The following PHF21B variants were observed in gnomAD, a reference collection of about 807,000 sequenced individuals.
PHF21B encodes the protein PHD finger protein 4.
Under a neutral mutation model 62.2 loss-of-function variants are expected in PHF21B, and 22 were observed. That is an observed-to-expected ratio of 0.35 (90% CI 0.25 to 0.51). PHF21B has a LOEUF of 0.51. Among genes scored for constraint, PHF21B ranks in the 20% least tolerant of loss-of-function variants. PHF21B has a pLI of 0.97. For missense variants in PHF21B, 701 were observed against 707.9 expected (o/e 0.99, Z 0.11); for synonymous variants, 341 against 314.7 (o/e 1.08, Z -0.88).
At position 44,885,290 on chromosome 22, in the gene PHF21B, G is replaced by A; in HGVS notation, c.1377+136C>T. The A allele has an allele frequency of 4.0e-6, 3 of 755,246 alleles. No individual in the cohort carries two copies. The South Asian group carries it at 6.2e-5, about 16-fold the overall frequency. 46.8% of individuals were successfully genotyped at this position (755,246 alleles called of 1,614,324 possible). On this transcript the variant is annotated intron_variant, in intron 12 of 12. Coordinates refer to ENST00000313237, the MANE Select transcript of PHF21B (RefSeq NM_138415.5). ...GAATGACACGCCTGCCTGTCCACCAGGCCCTGGCTCCTTCCTGCACTGCTG... is the reference window on the plus strand; with the variant it reads ...GAATGACACGCCTGCCTGTCCACCAAGCCCTGGCTCCTTCCTGCACTGCTG...
At chr22:44,953,685 G>A (rs1052309940) in intron 2 of PHF21B, among the ~76,000 whole-genome samples, 2 of 152,130 alleles carry the variant, frequency 1.3e-5, no homozygotes, top group Middle Eastern at 3.2e-3. Context: ...AGGTGTGTGG[G>A]TGAGCAGAAT....
chr22:44,916,079 T>C (rs2071426190), intron 4 of PHF21B, among the ~76,000 whole-genome samples: 1 of 152,250 alleles, frequency 6.6e-6, no homozygotes, highest in Non-Finnish European at 1.5e-5. Flanking sequence ...ACTAATTCAC[T>C]CCCTTAATCA....
chr22:44,916,703 C>T lies in PHF21B; in HGVS notation c.214-73G>A, dbSNP rs771442511. 2.0e-5 allele frequency: 26 copies of T among 1,328,296 alleles called. No individual in the cohort carries two copies. The African/African-American group carries it at 3.0e-4, about 15-fold the overall frequency. The allele number at this position is 1,328,296 out of a possible 1,614,324, so 82.3% of individuals were successfully genotyped here. A position where few individuals can be genotyped will look rare whatever the true frequency, so the allele number is the denominator to read the frequency against. On this transcript the variant is annotated intron_variant, in intron 3 of 12. Coordinates refer to ENST00000313237, the MANE Select transcript of PHF21B (RefSeq NM_138415.5). ...GTGCAGGGGAGGGGCCGCCCTGGCT[C>T]GGAGACTTCCTATATTCAAGGGGAA...
At chr22:44,985,898 C>T (rs1039781221) in intron 2 of PHF21B, among the ~76,000 whole-genome samples, 2 of 151,410 alleles carry the variant, frequency 1.3e-5, no homozygotes, top group African/African-American at 4.9e-5. Context: ...CCACCACCAT[C>T]ACCATGAGCA....
At chr22:44,904,832 T>C (rs2071221084) in intron 5 of PHF21B, among the ~76,000 whole-genome samples, 1 of 150,582 alleles carries the variant, frequency 6.6e-6, no homozygotes, top group Admixed American at 6.6e-5. Context: ...AGGGAGTATC[T>C]GAGCTAGTCT....
chr22:44,965,613 C>T (rs944243631), intron 2 of PHF21B, among the ~76,000 whole-genome samples: 16 of 152,174 alleles, frequency 1.1e-4, no homozygotes, highest in Admixed American at 9.2e-4. Flanking sequence ...CGAGCTGAGA[C>T]GATTCCCCCG....
intron 5 of PHF21B, 138 bp downstream of exon 5, chr22:44,913,684 C>T (rs1045362141): frequency 6.3e-6 from 8 of 1,266,382 alleles, no homozygotes; most frequent in East Asian, 5.1e-5. Flanking sequence ...CCATCCTGGT[C>T]GCCGACTGCA....
At position 44,916,289 on chromosome 22, in the gene PHF21B, A is replaced by G. The variant is rs1010158193; in HGVS notation, c.555T>C (p.Ala185=). 6.2e-7 allele frequency: 1 copy of G among 1,608,108 alleles called. No homozygotes were observed. Among genetic ancestry groups the G allele is most frequent in the Admixed American group, 1.7e-5 (1 of 58,508 alleles). The change falls in exon 4 of 13, where the codon GCT becomes GCC. Residue 185 remains alanine, a synonymous_variant. Coordinates refer to ENST00000313237, the MANE Select transcript of PHF21B (RefSeq NM_138415.5). ...SIKVQPLLIS[A]DNKPPPRLLS... is the part of the protein sequence containing the mutation. ...GCTGGTGGGCACTCACCTTGTTGTC[A>G]GCACTGATGAGGAGGGGCTGGACTT...
At chr22:44,982,862 G>C (rs1375831587) in intron 2 of PHF21B, among the ~76,000 whole-genome samples, 1 of 151,092 alleles carries the variant, frequency 6.6e-6, no homozygotes, top group African/African-American at 2.4e-5. Context: ...GGAGCCAGAA[G>C]AAGGAAGACG....
At chr22:44,913,623 A>T (rs1291565031) in intron 5 of PHF21B, among the ~76,000 whole-genome samples, 199 bp downstream of exon 5, 2 of 152,240 alleles carry the variant, frequency 1.3e-5, no homozygotes, top group Non-Finnish European at 2.9e-5. Flanking sequence ...CCGTTCAGCC[A>T]GTGCCTCCCT....
At chr22:45,002,278 T>C (rs1462291664) in intron 2 of PHF21B, among the ~76,000 whole-genome samples, 1 of 152,210 alleles carries the variant, frequency 6.6e-6, no homozygotes, top group East Asian at 1.9e-4. Context: ...GGAATAAAAA[T>C]GTAACTGGTA....
chr22:45,004,632 G>A (rs376853913), intron 2 of PHF21B, among the ~76,000 whole-genome samples: 12 of 152,304 alleles, frequency 7.9e-5, no homozygotes, highest in East Asian at 3.9e-4. Context: ...TGGGAGGAGA[G>A]TTCGGAAAAC....
intron 2 of PHF21B, among the ~76,000 whole-genome samples, chr22:44,990,305 C>T (rs1017900881): frequency 1.9e-4 from 29 of 152,354 alleles, no homozygotes; most frequent in African/African-American, 6.7e-4. Flanking sequence ...ATCAATTCCA[C>T]TTCTGCATAG....
chr22:44,943,159 T>A (rs1327172481), intron 2 of PHF21B, among the ~76,000 whole-genome samples: 1 of 152,118 alleles, frequency 6.6e-6, no homozygotes. Flanking sequence ...CGGGGTTGCC[T>A]GCCTGTGGCC....
At chr22:44,893,991 C>A (rs2071013356) in intron 6 of PHF21B, among the ~76,000 whole-genome samples, 1 of 152,240 alleles carries the variant, frequency 6.6e-6, no homozygotes, top group Non-Finnish European at 1.5e-5. Flanking sequence ...CAGCAGGAAT[C>A]CTTCGCATGC....
In PHF21B at chr22:44,913,938, G is replaced by T; in HGVS notation, c.715C>A (p.Gln239Lys). Residue 239 changes from glutamine (Q) to lysine (K), a missense_variant, in exon 5 of 13, where the codon CAG becomes AAG. Transcript: ENST00000313237. ...FQVIIIQPQV[Q>K]TQPESTAESR... Reference sequence around the variant, plus strand: ...TCTGCCGTGCTCTCGGGCTGCGTCTGCACTTGAGGCTGAATGATGATGACC... The same window carrying T: ...TCTGCCGTGCTCTCGGGCTGCGTCTTCACTTGAGGCTGAATGATGATGACC... 1 of 1,611,852 alleles carries T rather than the reference G, an allele frequency of 6.2e-7. No individual in the cohort carries two copies. The highest frequency in any genetic ancestry group is 1.1e-5 in the South Asian group (1 of 90,946).
intron 2 of PHF21B, among the ~76,000 whole-genome samples, chr22:44,932,698 G>A (rs564123527): frequency 4.6e-5 from 7 of 152,332 alleles, no homozygotes; most frequent in African/African-American, 9.6e-5. Context: ...GTGCACCTCC[G>A]CACCTGCACC....
rs149221229 is a variant in PHF21B at position 44,981,613 on chromosome 22, G to C, written c.120+26932C>G. On this transcript the variant is annotated intron_variant, in intron 2 of 12. Coordinates refer to ENST00000313237, the MANE Select transcript of PHF21B (RefSeq NM_138415.5). Reference sequence around the variant, plus strand: ...TGCTAAGTGACTGCCTAGCATTTGTGCATCAGTGAAGAGTGGACCTGAGAA... The same window carrying C: ...TGCTAAGTGACTGCCTAGCATTTGTCCATCAGTGAAGAGTGGACCTGAGAA... Among the ~76,000 whole-genome samples, 850 of 152,340 alleles carry C rather than the reference G, an allele frequency of 5.6e-3. 7 individuals are homozygous for C. The highest frequency in any genetic ancestry group is 0.019 in the African/African-American group (805 of 41,566).
intron 2 of PHF21B, among the ~76,000 whole-genome samples, chr22:44,977,708 A>C (rs549020973): frequency 1.3e-5 from 2 of 151,372 alleles, no homozygotes; most frequent in Non-Finnish European, 2.9e-5. Context: ...CCTCTAGAGT[A>C]GCTGGGGCTA....
Sources: allele counts gnomAD v4.1 joint callset (sites outside exome capture counted in the v4.1 genomes callset), GRCh38; gene constraint gnomAD v4.1.1; transcripts MANE v1.5; gene names NCBI Gene and HGNC (gene_info 2026-07-23, HGNC 2026-07-21).